Variants in RALGPS2 observed in about 807,000 individuals in gnomAD.
RALGPS2 encodes ras-specific guanine nucleotide-releasing factor RalGPS2.
RALGPS2 carries 43 observed loss-of-function variants against 86.8 expected under a neutral mutation model. The ratio of observed to expected loss-of-function variants is 0.50; its 90% CI spans 0.39 to 0.64. RALGPS2 has a LOEUF of 0.64. Among genes scored for constraint, RALGPS2 ranks in the 30% least tolerant of loss-of-function variants. The pLI is 0.00. For synonymous variants in RALGPS2, 243 were observed against 231.3 expected, an observed-to-expected ratio of 1.05 and a Z score of -0.46; for missense variants, 536 against 694.6, an observed-to-expected ratio of 0.77 and a Z score of 2.57.
At position 178,754,265 on chromosome 1, in the gene RALGPS2, A is replaced by G. The variant is rs1474905021; in HGVS notation, c.-83-22417A>G. ...ATATAATCCTTATATAATTACATAC[A>G]CTATATAATTTCTTATATAGTATAT... On this transcript the variant is annotated intron_variant, in intron 1 of 19. Transcript: ENST00000367635. Among the ~76,000 whole-genome samples the G allele has an allele frequency of 3.3e-5, 5 of 151,266 alleles. No homozygotes were observed. The South Asian group carries it at 8.3e-4, about 25-fold the overall frequency.
chr1:178,775,758 G>A (rs550607870), intron 1 of RALGPS2, among the ~76,000 whole-genome samples: 9 of 152,096 alleles, frequency 5.9e-5, no homozygotes, highest in African/African-American at 2.2e-4. Flanking sequence ...CCTAATTAGT[G>A]TTATTGGTAG....
intron 1 of RALGPS2, among the ~76,000 whole-genome samples, chr1:178,740,969 C>T (rs1650988350): frequency 6.6e-6 from 1 of 152,140 alleles, no homozygotes; most frequent in Admixed American, 6.5e-5. Flanking sequence ...GTGAGAATGA[C>T]ACATGGAAAG....
intron 7 of RALGPS2, among the ~76,000 whole-genome samples, chr1:178,829,288 T>C (rs1017655235): frequency 6.6e-6 from 1 of 152,188 alleles, no homozygotes; most frequent in Admixed American, 6.5e-5. Context: ...GTTTCAGTTA[T>C]GTAGAACAGG....
chr1:178,748,052 T>A (rs1651437805), intron 1 of RALGPS2, among the ~76,000 whole-genome samples: 1 of 152,162 alleles, frequency 6.6e-6, no homozygotes, highest in Non-Finnish European at 1.5e-5. Context: ...GGGCACAACG[T>A]CTCACTTCTG....
intron 17 of RALGPS2, among the ~76,000 whole-genome samples, chr1:178,901,531 AAGAATGGTTAACTACAAAAGTAAT>A (rs2102405103): frequency 6.6e-6 from 1 of 152,134 alleles, no homozygotes; most frequent in African/African-American, 2.4e-5. Context: ...ATAATAATAA[AAGAATGGTTAACTACAAAAGTAAT>A]AGACAGGCTA....
intron 1 of RALGPS2, chr1:178,747,315 T>TATAATGAAAGTGAG (rs1651393039): frequency 1.3e-6 from 2 of 1,532,386 alleles, no homozygotes; most frequent in African/African-American, 2.7e-5. Flanking sequence ...GGCCAAGTAG[T>TATAATGAAAGTGAG]ATAATGAAAG....
At chr1:178,816,770 G>A (rs530554862) in intron 6 of RALGPS2, among the ~76,000 whole-genome samples, 11 of 150,092 alleles carry the variant, frequency 7.3e-5, no homozygotes, top group Admixed American at 2.7e-4. Flanking sequence ...GCACAATGGC[G>A]CAATCTCAGC....
chr1:178,904,868 T>C (rs1317832446), intron 18 of RALGPS2, among the ~76,000 whole-genome samples: 1 of 152,208 alleles, frequency 6.6e-6, no homozygotes, highest in Non-Finnish European at 1.5e-5. Flanking sequence ...AGAATTGTTT[T>C]TTCTGATTTT....
intron 4 of RALGPS2, among the ~76,000 whole-genome samples, chr1:178,806,841 T>C (rs1654773280): frequency 6.6e-6 from 1 of 152,192 alleles, no homozygotes. Context: ...CCCTGGCTAT[T>C]GTTGTATTAC....
rs1399403135 is a variant in RALGPS2 at position 178,897,738 on chromosome 1, G to A, written c.1506G>A (p.Lys502=). The A allele has an allele frequency of 1.2e-6, 2 of 1,611,718 alleles. No individual in the cohort carries two copies. The highest frequency in any genetic ancestry group is 1.7e-5 in the Admixed American group (1 of 59,810). The change falls in exon 17 of 20, where the codon AAG becomes AAA. Residue 502 remains lysine, a synonymous_variant. Transcript: ENST00000367635. ...QLFYYAAKSL[K]ATERKHFKST... ...TTTACTATGCTGCCAAATCTCTAAA[G>A]GCTACCGAAAGAAAACATGTAAGTA...
intron 8 of RALGPS2, among the ~76,000 whole-genome samples, chr1:178,839,574 A>G (rs1385937314): frequency 2.6e-5 from 4 of 152,148 alleles, no homozygotes; most frequent in Admixed American, 6.5e-5. Context: ...AATTGTAGAG[A>G]CCATTGATGC....
At chr1:178,884,997 G>T in intron 11 of RALGPS2, 79 bp from the exon 12 acceptor site, 1 of 1,400,768 alleles carries the variant, frequency 7.1e-7, no homozygotes, top group East Asian at 2.4e-5. Flanking sequence ...CTCAAAATTT[G>T]AACCACATTT....
chr1:178,733,492 G>T (rs750846854), intron 1 of RALGPS2, among the ~76,000 whole-genome samples: 1 of 152,170 alleles, frequency 6.6e-6, no homozygotes, highest in African/African-American at 2.4e-5. Flanking sequence ...TTAGAAAACC[G>T]CAAATTAAAA....
intron 8 of RALGPS2, among the ~76,000 whole-genome samples, chr1:178,855,577 A>G (rs1172703566): frequency 1.3e-5 from 2 of 151,884 alleles, no homozygotes; most frequent in African/African-American, 4.8e-5. Context: ...TTCCTGCGTT[A>G]TATTTATTTT....
At chr1:178,866,163 G>C (rs1658394880) in intron 8 of RALGPS2, among the ~76,000 whole-genome samples, 1 of 152,048 alleles carries the variant, frequency 6.6e-6, no homozygotes, top group South Asian at 2.1e-4. Context: ...CCTTTAAAAA[G>C]CTCACTGCCT....
chr1:178,789,759 A>C (rs1653858407), intron 4 of RALGPS2, among the ~76,000 whole-genome samples: 1 of 152,226 alleles, frequency 6.6e-6, no homozygotes, highest in Non-Finnish European at 1.5e-5. Context: ...CCTCTCCACC[A>C]GATTTTAAGC....
At chr1:178,788,805 TTTC>T (rs1653796236) in intron 4 of RALGPS2, among the ~76,000 whole-genome samples, 1 of 134,252 alleles carries the variant, frequency 7.4e-6, no homozygotes, top group Non-Finnish European at 1.5e-5. Context: ...CTTTTCTTTC[TTTC>T]TTTTCTTTTC....
chr1:178,764,860 A>G (rs1652417143), intron 1 of RALGPS2, among the ~76,000 whole-genome samples: 1 of 152,104 alleles, frequency 6.6e-6, no homozygotes, highest in Admixed American at 6.5e-5. Flanking sequence ...GGTGGGGCCT[A>G]GTGGGAGGTG....
At chr1:178,739,115 T>C (rs1049974991) in intron 1 of RALGPS2, among the ~76,000 whole-genome samples, 1 of 152,246 alleles carries the variant, frequency 6.6e-6, no homozygotes, top group Non-Finnish European at 1.5e-5. Flanking sequence ...TTTGATATGC[T>C]GATATATTTT....
Sources: gnomAD v4.1 joint callset for allele counts (sites outside exome capture counted in the v4.1 genomes callset) on GRCh38, gnomAD v4.1.1 for gene constraint, MANE v1.5 for transcripts, NCBI Gene and HGNC (gene_info 2026-07-23, HGNC 2026-07-21) for gene names.